The following ITIH2 variants were observed in gnomAD, a reference collection of about 807,000 sequenced individuals.
The protein encoded by ITIH2 is inter-alpha-trypsin inhibitor heavy chain H2.
ITIH2 carries 103 observed loss-of-function variants against 104.4 expected under a neutral mutation model. That is an observed-to-expected ratio of 0.99 (90% confidence interval 0.84 to 1.16). The LOEUF is 1.16. ITIH2 is among the 50% of genes most tolerant of loss of function. The pLI is 0.00. For missense variants in ITIH2, 1,108 were observed against 1,162.4 expected (o/e 0.95, Z 0.68); for synonymous variants, 436 against 435.4 (o/e 1.00, Z -0.02).
At chr10:7,741,893 A>G (rs1461916027) in intron 16 of ITIH2, among the ~76,000 whole-genome samples, 1 of 152,214 alleles carries the variant, frequency 6.6e-6, no homozygotes, top group Admixed American at 6.5e-5. Flanking sequence ...CACTCAGAAT[A>G]AAATCTCTTC....
chr10:7,722,099 C>G (rs1021303591), intron 8 of ITIH2, among the ~76,000 whole-genome samples: 1 of 152,174 alleles, frequency 6.6e-6, no homozygotes, highest in East Asian at 1.9e-4. Context: ...AAAGAAAGCA[C>G]AGAGATTACG....
rs139061658 is a variant in ITIH2 at position 7,740,119 on chromosome 10, G to A, written c.2095+1361G>A. Among the ~76,000 whole-genome samples the A allele has an allele frequency of 3.7e-3, 558 of 152,152 alleles. 4 individuals carry two copies. Among genetic ancestry groups the A allele is most frequent in the African/African-American group, 0.013 (535 of 41,506 alleles). ...GAGAATTGCTTGCACCTGGGAGGCG[G>A]AGGTTGTAGTGAGCTGAGATCATGC... On this transcript the variant is annotated intron_variant, in intron 16 of 20. Transcript: ENST00000358415.
In ITIH2 at chr10:7,730,107, A is replaced by T. The variant is rs775654822; in HGVS notation, c.1435A>T (p.Asn479Tyr). The change falls in exon 12 of 21, where the codon AAC becomes TAC. Residue 479 changes from asparagine to tyrosine, a missense_variant. Transcript: ENST00000358415. ...TGGAATTGCACAAAGGATTTATGGA[A>T]ACCAGGACACGTCTTCCCAGCTTAA... Reference protein sequence around the residue: ...NHGIAQRIYGNQDTSSQLKKF... With the variant: ...NHGIAQRIYGYQDTSSQLKKF... 5 of 1,603,588 alleles carry T rather than the reference A, an allele frequency of 3.1e-6. No individual in the cohort carries two copies. The Admixed American group carries it at 7.0e-5, about 22-fold the overall frequency.
chr10:7,743,746 G>A (rs1028198822), intron 17 of ITIH2, among the ~76,000 whole-genome samples: 12 of 151,882 alleles, frequency 7.9e-5, no homozygotes, highest in African/African-American at 2.2e-4. Flanking sequence ...ACACCATTGC[G>A]CTCCAGCCTG....
intron 16 of ITIH2, among the ~76,000 whole-genome samples, chr10:7,741,270 C>CA (rs1835121685): frequency 1.3e-5 from 2 of 151,176 alleles, no homozygotes; most frequent in East Asian, 3.9e-4. Context: ...CCTCTGCCTC[C>CA]CGGGTTCAAG....
chr10:7,703,429 A>T lies in ITIH2; in HGVS notation c.-6A>T, dbSNP rs1834715260. The T allele has an allele frequency of 2.5e-6, 4 of 1,612,560 alleles. No individual in the cohort carries two copies. The stretch of plus-strand genomic sequence containing the variant: ...TTTGGGGAGCTTGGCAAAACTGTCC[A>T]GCAAAATGAAAAGACTCACGTGCTT... On this transcript the variant is annotated 5_prime_UTR_variant, in exon 1 of 21. Coordinates refer to ENST00000358415, the MANE Select transcript of ITIH2 (RefSeq NM_002216.3).
intron 3 of ITIH2, 59 bp from the exon 4 acceptor site, chr10:7,708,963 T>A (rs1303436751): frequency 7.1e-7 from 1 of 1,418,432 alleles, no homozygotes; most frequent in Non-Finnish European, 9.9e-7. Flanking sequence ...TGCACTACAT[T>A]TGATGAAGTT....
intron 5 of ITIH2, among the ~76,000 whole-genome samples, chr10:7,714,716 G>A (rs913972863): frequency 1.3e-5 from 2 of 152,166 alleles, no homozygotes; most frequent in African/African-American, 4.8e-5. Context: ...TCTGCAGTGG[G>A]CAAGGGCTAA....
chr10:7,730,575 C>T (rs143014209), intron 12 of ITIH2, among the ~76,000 whole-genome samples: 3,660 of 152,258 alleles, frequency 0.024, 96 homozygotes, highest in African/African-American at 0.066. Context: ...AATCCCAGCT[C>T]TTTGGAGGCC....
chr10:7,720,697 C>T (rs1437989467), intron 6 of ITIH2, among the ~76,000 whole-genome samples, 159 bp from the exon 7 acceptor site: 3 of 152,198 alleles, frequency 2.0e-5, no homozygotes, highest in Non-Finnish European at 2.9e-5. Context: ...TGAATCCCAT[C>T]GCAGGAACTT....
chr10:7,717,748 G>A lies in ITIH2; in HGVS notation c.590G>A (p.Arg197Lys). 6.2e-7 allele frequency: 1 copy of A among 1,612,562 alleles called. No homozygotes were observed. The highest frequency in any genetic ancestry group is 1.3e-5 in the African/African-American group (1 of 75,018). Residue 197 changes from arginine (R) to lysine (K), a missense_variant, in exon 6 of 21, where the codon AGG becomes AAG. Coordinates refer to ENST00000358415, the MANE Select transcript of ITIH2 (RefSeq NM_002216.3). ...KWRKLGSYEH[R>K]IYLQPGRLAK... ...AGGAAGCTGGGCTCCTATGAGCACA[G>A]GATCTATCTGCAACCTGGACGGCTG...
At chr10:7,705,013 A>G in intron 1 of ITIH2, 95 bp from the exon 2 acceptor site, 2 of 745,118 alleles carry the variant, frequency 2.7e-6, no homozygotes, top group East Asian at 2.7e-5. Flanking sequence ...TGGCACATGT[A>G]TACCTATGTA....
At chr10:7,720,755 G>A (rs1834894473) in intron 6 of ITIH2, 101 bp from the exon 7 acceptor site, 1 of 703,456 alleles carries the variant, frequency 1.4e-6, no homozygotes, top group Non-Finnish European at 2.5e-6. Flanking sequence ...GAAACCTGCG[G>A]AGGAGAAAAG....
chr10:7,743,211 G>A lies in ITIH2; in HGVS notation c.2161G>A (p.Asp721Asn). 1.3e-6 allele frequency: 2 copies of A among 1,593,124 alleles called. No individual in the cohort carries two copies. The highest frequency in any genetic ancestry group is 1.7e-6 in the Non-Finnish European group (2 of 1,171,488). ...KSQKNICFNI[D>N]SEPGKILNLV... ...CCAAAAGAACATTTGTTTCAATATT[G>A]ACTCAGAACCTGGAAAAATCCTCAA... Residue 721 changes from aspartate (D) to asparagine (N), a missense_variant, in exon 17 of 21, where the codon GAC becomes AAC. Asp to Asn is a conservative substitution (Grantham distance 23). Coordinates refer to ENST00000358415, the MANE Select transcript of ITIH2 (RefSeq NM_002216.3).
intron 8 of ITIH2, among the ~76,000 whole-genome samples, chr10:7,723,121 G>A (rs917025777): frequency 3.3e-5 from 5 of 151,226 alleles, no homozygotes; most frequent in South Asian, 2.1e-4. Flanking sequence ...GGTGTGGAGC[G>A]GAGTGCCCTG....
intron 1 of ITIH2, among the ~76,000 whole-genome samples, chr10:7,704,037 C>T (rs565757615): frequency 9.4e-4 from 143 of 152,252 alleles, no homozygotes; most frequent in African/African-American, 3.1e-3. Context: ...CCTATTAAAG[C>T]GGAAGATAGC....
chr10:7,730,351 G>A (rs759098845), intron 12 of ITIH2, among the ~76,000 whole-genome samples: 1 of 152,184 alleles, frequency 6.6e-6, no homozygotes, highest in Admixed American at 6.5e-5. Context: ...GCAGATGGGT[G>A]TTGGGAACAG....
chr10:7,704,339 A>C (rs776619361), intron 1 of ITIH2, among the ~76,000 whole-genome samples: 11 of 152,264 alleles, frequency 7.2e-5, no homozygotes, highest in Admixed American at 2.0e-4. Context: ...ATATTTTCCA[A>C]CACTTAAAAG....
In ITIH2 at chr10:7,737,770, T is replaced by G. The variant is rs1284194043; in HGVS notation, c.1958-851T>G. 2.3e-4 allele frequency among the ~76,000 whole-genome samples: 4 copies of G among 17,622 alleles called. 1 individual carries two copies. The highest frequency in any genetic ancestry group is 9.0e-4 in the African/African-American group (4 of 4,436). 11.6% of individuals were successfully genotyped at this position (17,622 alleles called of 152,430 possible). A position where few individuals can be genotyped will look rare whatever the true frequency, so the allele number is the denominator to read the frequency against. On this transcript the variant is annotated intron_variant, in intron 15 of 20. Coordinates refer to ENST00000358415, the MANE Select transcript of ITIH2 (RefSeq NM_002216.3). The stretch of plus-strand genomic sequence containing the variant: ...ATAATATTCTATATTATATTCTATA[T>G]AATATTCTATATTATATTCTATATA...
Sources: allele counts gnomAD v4.1 joint callset (sites outside exome capture counted in the v4.1 genomes callset), GRCh38; gene constraint gnomAD v4.1.1; transcripts MANE v1.5; gene names NCBI Gene and HGNC (gene_info 2026-07-23, HGNC 2026-07-21).